The following TET3 variants were observed in gnomAD, a reference collection of about 807,000 sequenced individuals.
TET3 encodes the protein tet methylcytosine dioxygenase 3.
A neutral mutation model predicts 141.4 loss-of-function variants in TET3; 19 were observed. The observed-to-expected ratio is 0.13, with a 90% confidence interval of 0.09 to 0.20. TET3 has a LOEUF of 0.20. TET3 is among the 10% of genes least tolerant of loss of function. TET3 has a pLI of 1.00. For synonymous variants in TET3, 1,043 were observed against 980.9 expected (o/e 1.06, Z -1.18); for missense variants, 1,874 against 2,356.9 (o/e 0.80, Z 4.24).
intron 4 of TET3, 144 bp downstream of exon 4, chr2:74,048,555 T>G: frequency 1.0e-4 from 91 of 890,034 alleles, no homozygotes; most frequent in African/African-American, 1.4e-4. Context: ...AATGAGCTCA[T>G]AGCCTAGTGG....
chr2:74,086,411 A>C (rs1690162846), intron 6 of TET3, among the ~76,000 whole-genome samples: 1 of 152,212 alleles, frequency 6.6e-6, no homozygotes, highest in Non-Finnish European at 1.5e-5. Flanking sequence ...ATTGAGATAC[A>C]ATTCTCGTAC....
chr2:74,133,072 A>ATTTTTTTTT, the TET3 span, among the ~76,000 whole-genome samples: 7 of 105,140 alleles, frequency 6.7e-5, no homozygotes, highest in Non-Finnish European at 8.5e-5. Context: ...TAATTTTTGT[A>ATTTTTTTTT]TTTTTTTTTT....
chr2:74,012,030 G>A (rs1274489308), intron 3 of TET3, among the ~76,000 whole-genome samples: 1 of 152,146 alleles, frequency 6.6e-6, no homozygotes, highest in Non-Finnish European at 1.5e-5. Context: ...GCTCGATCTC[G>A]GCTCACTGCA....
At chr2:74,003,956 C>T (rs964250536) in intron 3 of TET3, among the ~76,000 whole-genome samples, 1 of 152,042 alleles carries the variant, frequency 6.6e-6, no homozygotes, top group African/African-American at 2.4e-5. Flanking sequence ...GGCATGGACC[C>T]GATCAGTAGG....
At position 74,101,331 on chromosome 2, in the gene TET3, C is replaced by A. The variant is rs1198222873; in HGVS notation, c.4543C>A (p.Pro1515Thr). ...ACGGCTGCGAGGCAAACCGTGGAGC[C>A]CCTGCAAGTTTGGGAACAGCACCTC... Reference protein sequence around the residue: ...GGRLRGKPWSPCKFGNSTSAL... With the variant: ...GGRLRGKPWSTCKFGNSTSAL... Residue 1515 changes from proline (P) to threonine (T), a missense_variant, in exon 12 of 12, where the codon CCC becomes ACC. Transcript: ENST00000409262. The surrounding 1 kb of genome is among the most constrained non-coding windows in gnomAD (Gnocchi z 8.5). 21 of 1,613,710 alleles carry A rather than the reference C, an allele frequency of 1.3e-5. No individual in the cohort carries two copies. The highest frequency in any genetic ancestry group is 2.5e-6 in the Non-Finnish European group (3 of 1,179,844).
intron 2 of TET3, among the ~76,000 whole-genome samples, chr2:73,994,890 G>A (rs1684514169): frequency 6.6e-6 from 1 of 151,858 alleles, no homozygotes; most frequent in South Asian, 2.1e-4. Flanking sequence ...ACTCGCCTTA[G>A]CCTCCCAAAG....
rs188122828 is a variant in TET3, at chr2:74,088,061, G to T, written c.2888+23G>T. Reference sequence around the variant, plus strand: ...TGAGTATGTAGCAGAGGGCTTCAGGGCCAGGGCCCACCTATAGGGTCCTGG... The same window carrying T: ...TGAGTATGTAGCAGAGGGCTTCAGGTCCAGGGCCCACCTATAGGGTCCTGG... On this transcript the variant is annotated intron_variant, in intron 7 of 11. Transcript: ENST00000409262. 96 of 1,550,834 alleles carry T rather than the reference G, an allele frequency of 6.2e-5. No homozygotes were observed. The East Asian group carries it at 1.8e-3, about 28-fold the overall frequency.
chr2:74,033,586 CACT>C (rs1686868925), intron 3 of TET3, among the ~76,000 whole-genome samples: 1 of 152,094 alleles, frequency 6.6e-6, no homozygotes, highest in Non-Finnish European at 1.5e-5. Flanking sequence ...AGCTCTAAAC[CACT>C]GCAATAAAGT....
At chr2:74,134,558 T>G in the TET3 span, 2 of 381,154 alleles carry the variant, frequency 5.2e-6, no homozygotes, top group Admixed American at 3.0e-5. Context: ...TGGTGGTCGG[T>G]TCCATGAAAG....
intron 2 of TET3, among the ~76,000 whole-genome samples, chr2:74,001,314 A>T (rs1684839367): frequency 6.6e-6 from 1 of 152,136 alleles, no homozygotes; most frequent in South Asian, 2.1e-4. Context: ...AGAGCGAATC[A>T]CTGGGTCAGG....
rs1185755084 is a variant in TET3, at chr2:73,986,196, GC to G, written c.-203del. The stretch of plus-strand genomic sequence containing the variant: ...CTGGGCCCCAGCAGGTGGGAGAGTG[GC>G]CCCCTACGGAGTCCGATCAGACTGC... On this transcript the variant is annotated 5_prime_UTR_variant, in exon 2 of 12. An upstream open reading frame in the 5' UTR loses its in-frame stop. Coordinates refer to ENST00000409262, the MANE Select transcript of TET3 (RefSeq NM_001287491.2). 1 of 397,062 alleles carries G rather than the reference GC, an allele frequency of 2.5e-6. No individual in the cohort carries two copies. 24.6% of individuals were successfully genotyped at this position (397,062 alleles called of 1,614,324 possible).
rs1453957677 is a variant in TET3, at chr2:74,046,648, A to G, written c.731A>G (p.Glu244Gly). Residue 244 changes from glutamate (E) to glycine (G), a missense_variant, in exon 4 of 12, where the codon GAG (glutamate) becomes GGG (glycine). Physicochemically the swap from Glu to Gly is moderately conservative, Grantham distance 98. Transcript: ENST00000409262. This position sits in a 1 kb window ranked among gnomAD's most constrained non-coding sequence, Gnocchi z 4.3. ...AGCAGGGGACCCCGGCCAGGGCCTGAGGGCTGCTCTGCTGGCAGCGAAGAC... is the reference window on the plus strand; with the variant it reads ...AGCAGGGGACCCCGGCCAGGGCCTGGGGGCTGCTCTGCTGGCAGCGAAGAC... ...NNSRGPRPGP[E>G]GCSAGSEDLD... 6.2e-7 allele frequency: 1 copy of G among 1,613,930 alleles called. No individual in the cohort carries two copies. The highest frequency in any genetic ancestry group is 2.2e-5 in the East Asian group (1 of 44,892).
intron 3 of TET3, among the ~76,000 whole-genome samples, chr2:74,006,890 A>G (rs1406249218): frequency 6.6e-6 from 1 of 152,212 alleles, no homozygotes; most frequent in African/African-American, 2.4e-5. Flanking sequence ...GGAAGCCTTT[A>G]GGCAAATAGA....
chr2:74,061,555 C>T (rs1465151137), intron 4 of TET3, among the ~76,000 whole-genome samples: 1 of 146,386 alleles, frequency 6.8e-6, no homozygotes, highest in African/African-American at 2.5e-5. Context: ...GGCAGAGGCG[C>T]CCCTCACCTC....
rs1431070910 is a variant in TET3 at position 74,103,393 on chromosome 2, A to T, written c.*1217A>T. 5 of 152,166 alleles carry T rather than the reference A, an allele frequency of 3.3e-5. No homozygotes were observed. The allele number at this position is 152,166 out of a possible 1,614,324, so 9.4% of individuals were successfully genotyped here. A position where few individuals can be genotyped will look rare whatever the true frequency, so the allele number is the denominator to read the frequency against. Reference sequence around the variant, plus strand: ...CATCTATCCTGATCCCTGAATTTCCACATTGGACAATGGTGCATGCCTCAC... The same window carrying T: ...CATCTATCCTGATCCCTGAATTTCCTCATTGGACAATGGTGCATGCCTCAC... On this transcript the variant is annotated 3_prime_UTR_variant, in exon 12 of 12. Transcript: ENST00000409262.
rs1397177569 is a variant in TET3 at position 74,047,744 on chromosome 2, C to T, written c.1827C>T (p.Ile609=). 3.1e-6 allele frequency: 5 copies of T among 1,613,758 alleles called. No individual in the cohort carries two copies. Among genetic ancestry groups the T allele is most frequent in the Middle Eastern group, 3.3e-4 (2 of 6,062 alleles). ...CCAGTGTCCGAAAGCCCATTCAGAT[C>T]AAGAAGTCCAGGCCCCGGGAAGCAC... ...IKPSVRKPIQ[I]KKSRPREAQP... Residue 609 remains isoleucine (I), a synonymous_variant, in exon 4 of 12, where the codon ATC becomes ATT. Coordinates refer to ENST00000409262, the MANE Select transcript of TET3 (RefSeq NM_001287491.2).
chr2:73,991,166 A>ACTC (rs10643422), intron 2 of TET3, among the ~76,000 whole-genome samples: 141,545 of 151,956 alleles, frequency 0.93, 65,995 homozygotes, highest in African/African-American at 0.96. Context: ...CTGGTCTTGA[A>ACTC]CTGGTGAATT....
intron 5 of TET3, 69 bp downstream of exon 5, chr2:74,073,708 C>G (rs1319147971): frequency 7.6e-7 from 1 of 1,318,868 alleles, no homozygotes; most frequent in Admixed American, 2.4e-5. Flanking sequence ...TTAAGCGCCT[C>G]TCATTTTTCT....
rs181269753 is a variant in TET3, at chr2:74,105,625, C to T, written c.*3449C>T. ...TGCGTGGAAAGAGATGATACCCCAC[C>T]GCCCCCTCTTGGTCCTTCCACCAGC... On this transcript the variant is annotated 3_prime_UTR_variant, in exon 12 of 12. Transcript: ENST00000409262. The T allele has an allele frequency of 7.7e-5, 29 of 375,882 alleles. No individual in the cohort carries two copies. Among genetic ancestry groups the T allele is most frequent in the East Asian group, 3.1e-4 (8 of 25,898 alleles). The allele number at this position is 375,882 out of a possible 1,614,324, so 23.3% of individuals were successfully genotyped here.
Sources: allele counts gnomAD v4.1 joint callset (sites outside exome capture counted in the v4.1 genomes callset), GRCh38; gene constraint gnomAD v4.1.1; non-coding constraint Gnocchi (gnomAD v3.1); transcripts MANE v1.5; gene names NCBI Gene and HGNC (gene_info 2026-07-23, HGNC 2026-07-21).